CDH13: variants seen among roughly 807,000 people sequenced by gnomAD.
CDH13 encodes the protein cadherin-13.
In CDH13, 24 loss-of-function variants were observed where a neutral mutation model predicts 63.8. The observed-to-expected ratio is 0.38, with a 90% CI of 0.27 to 0.53. The LOEUF (loss-of-function observed/expected upper bound fraction) is 0.53, where lower values mean the gene tolerates loss of function less well. CDH13 is among the 20% of genes least tolerant of loss of function. The probability of loss-of-function intolerance (pLI) is 0.85; values close to 1 mark genes in which losing one functional copy is unlikely to be tolerated. For synonymous variants in CDH13, 503 were observed against 355.3 expected, an observed-to-expected ratio of 1.42 and a Z score of -4.67; for missense variants, 1,049 against 903.1, an observed-to-expected ratio of 1.16 and a Z score of -2.07.
intron 7 of CDH13, among the ~76,000 whole-genome samples, chr16:83,549,251 C>T (rs1375998883): frequency 6.6e-6 from 1 of 152,182 alleles, no homozygotes; most frequent in African/African-American, 2.4e-5. Flanking sequence ...GAGTTGGTTC[C>T]GAGAAAACAT....
At chr16:83,009,248 G>GA (rs1913869613) in intron 2 of CDH13, among the ~76,000 whole-genome samples, 1 of 152,212 alleles carries the variant, frequency 6.6e-6, no homozygotes, top group African/African-American at 2.4e-5. Flanking sequence ...GTCATCTTCT[G>GA]AGAGGGGCTA....
intron 3 of CDH13, among the ~76,000 whole-genome samples, chr16:83,052,842 C>G (rs1597230479): frequency 7.6e-6 from 1 of 131,506 alleles, no homozygotes; most frequent in South Asian, 2.4e-4. Context: ...ATAGAAAAGA[C>G]AGATCATCAG....
At chr16:83,440,273 T>G (rs2072442940) in intron 6 of CDH13, among the ~76,000 whole-genome samples, 3 of 152,184 alleles carry the variant, frequency 2.0e-5, no homozygotes, top group African/African-American at 7.2e-5. Context: ...TCTGGCCCAG[T>G]TGCCTCCTTT....
Position 83,297,951 on chromosome 16 carries a change from T to G in CDH13, c.637-46911T>G, listed in dbSNP as rs1301601543. On this transcript the variant is annotated intron_variant, in intron 5 of 13. Transcript: ENST00000567109. ...TGGAACCCAGCACGGCAGCTCACAC[T>G]TGTAATCACAGCACTTTAGGAGGCC... Among the ~76,000 whole-genome samples, 6 of 151,374 alleles carry G rather than the reference T, an allele frequency of 4.0e-5. No individual in the cohort carries two copies. In the East Asian group the frequency reaches 1.2e-3, roughly 29 times the overall value.
chr16:83,732,979 G>A (rs1003949509), intron 10 of CDH13, among the ~76,000 whole-genome samples: 1 of 152,210 alleles, frequency 6.6e-6, no homozygotes, highest in Non-Finnish European at 1.5e-5. Context: ...AAGACAAAGT[G>A]TATCCCTGGG....
At chr16:83,036,844 C>T (rs1916904924) in intron 3 of CDH13, among the ~76,000 whole-genome samples, 1 of 152,180 alleles carries the variant, frequency 6.6e-6, no homozygotes, top group Non-Finnish European at 1.5e-5. Flanking sequence ...AAGGATTAGC[C>T]TGCACACCCA....
intron 6 of CDH13, among the ~76,000 whole-genome samples, chr16:83,475,343 C>G (rs1370038688): frequency 6.6e-6 from 1 of 152,176 alleles, no homozygotes; most frequent in Non-Finnish European, 1.5e-5. Flanking sequence ...GAGTTTGCAA[C>G]TCTCTGCCGC....
At chr16:83,126,985 C>T (rs1200491452) in intron 4 of CDH13, among the ~76,000 whole-genome samples, 1 of 152,096 alleles carries the variant, frequency 6.6e-6, no homozygotes, top group African/African-American at 2.4e-5. Flanking sequence ...AGGAGGGAAT[C>T]TTCACGCAGA....
intron 7 of CDH13, among the ~76,000 whole-genome samples, chr16:83,576,133 C>G (rs1324857337): frequency 6.6e-6 from 1 of 152,176 alleles, no homozygotes; most frequent in Non-Finnish European, 1.5e-5. Flanking sequence ...AAAGGAAACT[C>G]CAGAGCCATT....
intron 4 of CDH13, among the ~76,000 whole-genome samples, chr16:83,147,853 A>C (rs2036816436): frequency 6.6e-6 from 1 of 152,094 alleles, no homozygotes; most frequent in Non-Finnish European, 1.5e-5. Context: ...GCACCCTGAC[A>C]CCATCATAAG....
intron 5 of CDH13, among the ~76,000 whole-genome samples, chr16:83,255,562 T>C (rs903020597): frequency 6.6e-6 from 1 of 152,232 alleles, no homozygotes; most frequent in Non-Finnish European, 1.5e-5. Context: ...CTGCTCCAGC[T>C]TGGCTCTTTC....
At chr16:83,141,875 C>T (rs2036543265) in intron 4 of CDH13, among the ~76,000 whole-genome samples, 1 of 152,146 alleles carries the variant, frequency 6.6e-6, no homozygotes, top group African/African-American at 2.4e-5. Flanking sequence ...CATAGTATTC[C>T]ATGTGCATAT....
At chr16:83,594,902 C>T (rs1907113990) in intron 7 of CDH13, among the ~76,000 whole-genome samples, 1 of 152,186 alleles carries the variant, frequency 6.6e-6, no homozygotes, top group Non-Finnish European at 1.5e-5. Context: ...CTTTTCAAAT[C>T]AGTGTGATCA....
chr16:83,340,298 A>G (rs7188794), intron 5 of CDH13, among the ~76,000 whole-genome samples: 151,045 of 152,228 alleles, frequency 0.99, 74,944 homozygotes, highest in Middle Eastern at 1. Context: ...ATGTCTGCCT[A>G]CATCTGAGTG....
intron 2 of CDH13, among the ~76,000 whole-genome samples, chr16:82,963,674 T>G (rs1490147508): frequency 6.6e-6 from 1 of 152,188 alleles, no homozygotes; most frequent in African/African-American, 2.4e-5. Flanking sequence ...TGCTTCGTAT[T>G]TCCCCCCTAA....
At chr16:83,268,707 T>C (rs2088700483) in intron 5 of CDH13, among the ~76,000 whole-genome samples, 1 of 152,104 alleles carries the variant, frequency 6.6e-6, no homozygotes, top group Admixed American at 6.5e-5. Flanking sequence ...GTTGTGAAAA[T>C]TTGAATTGAT....
In CDH13 at chr16:82,972,142, C is replaced by G. The variant is rs189581902; in HGVS notation, c.158-59868C>G. Among the ~76,000 whole-genome samples the G allele has an allele frequency of 3.3e-5, 5 of 152,286 alleles. No individual in the cohort carries two copies. The East Asian group carries it at 5.8e-4, about 18-fold the overall frequency. On this transcript the variant is annotated intron_variant, in intron 2 of 13. Transcript: ENST00000567109. The stretch of plus-strand genomic sequence containing the variant: ...ATCCCAAAATTGAAATTTGGGGACA[C>G]TGATTAGGCACAGAGCAGGACCAGG...
intron 1 of CDH13, among the ~76,000 whole-genome samples, chr16:82,747,805 A>G (rs1182415716): frequency 6.6e-6 from 1 of 152,236 alleles, no homozygotes; most frequent in Non-Finnish European, 1.5e-5. Context: ...GGAATAGCAG[A>G]GTATTAGTAT....
chr16:83,663,612 G>A (rs1913650236), intron 8 of CDH13, among the ~76,000 whole-genome samples: 1 of 152,088 alleles, frequency 6.6e-6, no homozygotes, highest in South Asian at 2.1e-4. Context: ...CAGCATTTTG[G>A]GGAAGCAGAG....
Sources: allele counts gnomAD v4.1 joint callset (sites outside exome capture counted in the v4.1 genomes callset), GRCh38; gene constraint gnomAD v4.1.1; transcripts MANE v1.5; gene names NCBI Gene and HGNC (gene_info 2026-07-23, HGNC 2026-07-21).